DCLRE1C: variants seen among roughly 807,000 people sequenced by gnomAD.
DCLRE1C encodes the protein DNA cross-link repair 1C.
A neutral mutation model predicts 61.4 loss-of-function variants in DCLRE1C; 47 were observed. The observed-to-expected ratio is 0.77, with a 90% CI of 0.61 to 0.98. The LOEUF is 0.98. Among genes scored for constraint, DCLRE1C ranks in the 50% least tolerant of loss-of-function variants. The probability of loss-of-function intolerance (pLI) is 0.00; values close to 1 mark genes in which losing one functional copy is unlikely to be tolerated. For synonymous variants in DCLRE1C, 337 were observed against 287.6 expected, an observed-to-expected ratio of 1.17 and a Z score of -1.74; for missense variants, 858 against 816.0, an observed-to-expected ratio of 1.05 and a Z score of -0.63.
chr10:14,934,735 A>C lies in DCLRE1C; in HGVS notation c.505T>G (p.Cys169Gly). The C allele has an allele frequency of 6.2e-7, 1 of 1,614,060 alleles. No homozygotes were observed. ...GGAATTTGGTAAAATCTTGGATCAC[A>C]GAACGTAGTATCCAAATATACACTT... ...IQSVYLDTTF[C>G]DPRFYQIPSR... Residue 169 changes from cysteine (C) to glycine (G), a missense_variant, in exon 7 of 14, where the codon TGT becomes GGT. Physicochemically the swap from Cys to Gly is radical, Grantham distance 159. Coordinates refer to ENST00000378278, the MANE Select transcript of DCLRE1C (RefSeq NM_001033855.3).
At chr10:14,922,880 A>T in intron 12 of DCLRE1C, 101 bp downstream of exon 12, 1 of 887,214 alleles carries the variant, frequency 1.1e-6, no homozygotes, top group Non-Finnish European at 1.9e-6. Context: ...TCCCAAAACA[A>T]ACAGATTCTA....
chr10:14,931,155 T>C (rs1008128704), intron 9 of DCLRE1C, among the ~76,000 whole-genome samples: 1 of 152,238 alleles, frequency 6.6e-6, no homozygotes, highest in Admixed American at 6.5e-5. Context: ...CATTTAAAGA[T>C]CACTAATTAG....
In DCLRE1C at chr10:14,934,500, G is replaced by T; in HGVS notation, c.558C>A (p.Val186=). The change falls in exon 8 of 14, where the codon GTC becomes GTA. Residue 186 remains valine (V), a synonymous_variant. Coordinates refer to ENST00000378278, the MANE Select transcript of DCLRE1C (RefSeq NM_001033855.3). ...IPSREECLSG[V]LELVRSWITR... ...TGATCCAGCTTCGGACCAGCTCTAA[G>T]ACTCCACTTAAACACTCCTCCTAGA... 1 of 1,614,126 alleles carries T rather than the reference G, an allele frequency of 6.2e-7. No homozygotes were observed. Among genetic ancestry groups the T allele is most frequent in the South Asian group, 1.1e-5 (1 of 91,074 alleles).
At chr10:14,920,493 T>A (rs1836917962) in intron 12 of DCLRE1C, 1 of 917,256 alleles carries the variant, frequency 1.1e-6, no homozygotes, top group Admixed American at 5.9e-5. Context: ...ACCTGAAACT[T>A]CTTTACAGCC....
Position 14,941,663 on chromosome 10 carries a change from T to C in DCLRE1C, c.247-1794A>G, listed in dbSNP as rs139374330. ...ACCAAAGGGTCAGTTATTGTATGCA[T>C]TTAGTTTCCACGTGTATGGGAAGAT... On this transcript the variant is annotated intron_variant, in intron 3 of 13. Transcript: ENST00000378278. 1.2e-3 allele frequency among the ~76,000 whole-genome samples: 189 copies of C among 152,284 alleles called. 1 individual carries two copies. Among genetic ancestry groups the C allele is most frequent in the South Asian group, 0.01 (50 of 4,818 alleles).
chr10:14,927,941 C>T (rs1179206141), intron 10 of DCLRE1C, 75 bp downstream of exon 10: 6 of 1,413,862 alleles, frequency 4.2e-6, no homozygotes, highest in Non-Finnish European at 5.0e-6. Flanking sequence ...TTAGGCTAGA[C>T]TGTGCTTAAA....
At chr10:14,944,145 C>T (rs1841307136) in intron 3 of DCLRE1C, among the ~76,000 whole-genome samples, 1 of 152,050 alleles carries the variant, frequency 6.6e-6, no homozygotes, top group Non-Finnish European at 1.5e-5. Flanking sequence ...AAGGATTTAG[C>T]AATTATGTTA....
intron 6 of DCLRE1C, 115 bp downstream of exon 6, chr10:14,935,348 C>G: frequency 8.6e-7 from 1 of 1,164,860 alleles, no homozygotes; most frequent in East Asian, 2.4e-5. Context: ...TACCTGTTAT[C>G]CCAGCTACTT....
At chr10:14,948,029 G>A (rs910918019) in intron 2 of DCLRE1C, among the ~76,000 whole-genome samples, 10 of 152,048 alleles carry the variant, frequency 6.6e-5, no homozygotes, top group African/African-American at 1.7e-4. Flanking sequence ...CAGCCTGGGC[G>A]ACAGAGCAAC....
intron 12 of DCLRE1C, 23 bp from the exon 13 acceptor site, chr10:14,919,855 ATT>A: frequency 6.3e-7 from 1 of 1,585,322 alleles, no homozygotes; most frequent in East Asian, 2.2e-5. Flanking sequence ...AGAATATTTG[ATT>A]TTTCCTTTTG....
intron 9 of DCLRE1C, among the ~76,000 whole-genome samples, chr10:14,932,403 C>A (rs1039076634): frequency 2.6e-5 from 4 of 151,834 alleles, no homozygotes; most frequent in Admixed American, 6.6e-5. Context: ...TTTGGGAGGC[C>A]GAGGGAGGCG....
chr10:14,935,917 T>C (rs1487191937), intron 5 of DCLRE1C, among the ~76,000 whole-genome samples: 1 of 152,216 alleles, frequency 6.6e-6, no homozygotes, highest in Non-Finnish European at 1.5e-5. Context: ...ATTTATTTAT[T>C]TTTATTTTGA....
At chr10:14,933,028 AG>A (rs1839290444) in intron 8 of DCLRE1C, 73 bp from the exon 9 acceptor site, 1 of 1,514,204 alleles carries the variant, frequency 6.6e-7, no homozygotes, top group Admixed American at 1.7e-5. Flanking sequence ...TTAATTACTC[AG>A]GGCAAAACAC....
chr10:14,910,869 A>G (rs1215907410), intron 13 of DCLRE1C, among the ~76,000 whole-genome samples: 1 of 152,240 alleles, frequency 6.6e-6, no homozygotes, highest in Non-Finnish European at 1.5e-5. Context: ...GGACAATGAC[A>G]TGAGAAATAA....
chr10:14,954,268 G>A (rs1842867525), upstream of DCLRE1C: 2 of 581,418 alleles, frequency 3.4e-6, no homozygotes, highest in African/African-American at 1.9e-5. Flanking sequence ...CCCAGTGCAA[G>A]GCTCATTCCC....
chr10:14,897,772 A>C (rs1418127177), exon 14 of DCLRE1C: 1 of 260,882 alleles, frequency 3.8e-6, no homozygotes, highest in African/African-American at 2.2e-5. Context: ...CTACTAGTCA[A>C]ACCTAGGATT....
At chr10:14,919,059 A>C (rs533155857) in intron 13 of DCLRE1C, among the ~76,000 whole-genome samples, 41 of 152,292 alleles carry the variant, frequency 2.7e-4, no homozygotes, top group Admixed American at 2.5e-3. Flanking sequence ...GGTGTTCAAA[A>C]AATAGTATCA....
At position 14,932,842 on chromosome 10, in the gene DCLRE1C, T is replaced by A. The variant is rs547792856; in HGVS notation, c.780+12A>T. On this transcript the variant is annotated intron_variant, in intron 9 of 13. Coordinates refer to ENST00000378278, the MANE Select transcript of DCLRE1C (RefSeq NM_001033855.3). ...ACACAAACAATACGAGAGGAATCAC[T>A]TGCACACGTACCTTGGGATGCCGGC... 1.9e-6 allele frequency: 3 copies of A among 1,613,696 alleles called. No homozygotes were observed. In the African/African-American group the frequency reaches 4.0e-5, roughly 22 times the overall value.
rs546433818 is a variant in DCLRE1C at position 14,907,210 on chromosome 10, C to T, written c.*1198G>A. 1.1e-4 allele frequency among the ~76,000 whole-genome samples: 17 copies of T among 151,374 alleles called. No individual in the cohort carries two copies. Among genetic ancestry groups the T allele is most frequent in the South Asian group, 2.1e-4 (1 of 4,756 alleles). ...AATTGTCCGCTTCTAATTTGGCCAC[C>T]GTATTCACATCAAGGTTAAGTGACT... On this transcript the variant is annotated 3_prime_UTR_variant, in exon 14 of 14. Transcript: ENST00000378278.
Sources: allele counts gnomAD v4.1 joint callset (sites outside exome capture counted in the v4.1 genomes callset), GRCh38; gene constraint gnomAD v4.1.1; transcripts MANE v1.5; gene names NCBI Gene and HGNC (gene_info 2026-07-23, HGNC 2026-07-21).